CA8: variants seen among roughly 807,000 people sequenced by gnomAD.
The protein encoded by CA8 is carbonic anhydrase 8 (inactive).
Under a neutral mutation model 41.4 loss-of-function variants are expected in CA8, and 22 were observed. That is an observed-to-expected ratio of 0.53 (90% CI 0.38 to 0.76). CA8 has a LOEUF of 0.76. Among genes scored for constraint, CA8 ranks in the 30% least tolerant of loss-of-function variants. The pLI, the probability that CA8 is intolerant of heterozygous loss-of-function variation, is 0.00. For missense variants in CA8, 270 were observed against 352.8 expected, an observed-to-expected ratio of 0.77 and a Z score of 1.88; for synonymous variants, 121 against 130.6, an observed-to-expected ratio of 0.93 and a Z score of 0.50.
At chr8:60,237,841 C>T (rs1807886026) in intron 3 of CA8, among the ~76,000 whole-genome samples, 1 of 152,208 alleles carries the variant, frequency 6.6e-6, no homozygotes, top group Non-Finnish European at 1.5e-5. Context: ...AGTCCTTCCT[C>T]ACTCCTTATA....
intron 7 of CA8, among the ~76,000 whole-genome samples, chr8:60,214,583 G>A (rs1294443959): frequency 6.6e-6 from 1 of 152,150 alleles, no homozygotes. Context: ...CAGCCCCTTC[G>A]ATTCCATATG....
chr8:60,280,381 T>C (rs1161983343), intron 1 of CA8, among the ~76,000 whole-genome samples: 1 of 152,168 alleles, frequency 6.6e-6, no homozygotes, highest in African/African-American at 2.4e-5. Context: ...ATTCCCATAG[T>C]CTTTCCAAAT....
chr8:60,244,806 T>C (rs1563365972), intron 3 of CA8, among the ~76,000 whole-genome samples: 1 of 152,232 alleles, frequency 6.6e-6, no homozygotes, highest in Non-Finnish European at 1.5e-5. Flanking sequence ...TACTTGTCTG[T>C]TAACACTGCT....
At chr8:60,223,952 G>T (rs929116204) in intron 6 of CA8, among the ~76,000 whole-genome samples, 13 of 152,102 alleles carry the variant, frequency 8.5e-5, no homozygotes, top group African/African-American at 3.1e-4. Context: ...AAATACAAGT[G>T]GAATAATACA....
chr8:60,260,505 T>C (rs1434358765), intron 3 of CA8, among the ~76,000 whole-genome samples: 3 of 152,190 alleles, frequency 2.0e-5, no homozygotes, highest in Admixed American at 1.3e-4. Context: ...ACAAAGCCCA[T>C]TGTGTTGTCT....
In CA8 at chr8:60,227,621, G is replaced by C. The variant is rs529646810; in HGVS notation, c.514-686C>G. ...TCCATGTTTAACTCTGGCATTTATA[G>C]ATCATTGCTATAAAGATTTTAACAA... On this transcript the variant is annotated intron_variant, in intron 4 of 8. Transcript: ENST00000317995. 5.9e-5 allele frequency among the ~76,000 whole-genome samples: 9 copies of C among 152,176 alleles called. No individual in the cohort carries two copies. In the South Asian group the frequency reaches 1.9e-3, roughly 32 times the overall value.
intron 3 of CA8, among the ~76,000 whole-genome samples, chr8:60,261,388 C>T (rs183055488): frequency 1.3e-3 from 200 of 152,236 alleles, no homozygotes; most frequent in African/African-American, 4.0e-3. Context: ...AAGGGTCCAA[C>T]ATACAATATG....
At chr8:60,225,727 C>A (rs1177953066) in intron 5 of CA8, among the ~76,000 whole-genome samples, 1 of 152,202 alleles carries the variant, frequency 6.6e-6, no homozygotes, top group Non-Finnish European at 1.5e-5. Context: ...AGTTCAATTT[C>A]TGCTCTGTAT....
chr8:60,267,367 G>A (rs1011561613), intron 2 of CA8, among the ~76,000 whole-genome samples: 2 of 152,172 alleles, frequency 1.3e-5, no homozygotes, highest in African/African-American at 2.4e-5. Flanking sequence ...CTCAAACAAC[G>A]AAGACAAGGA....
At position 60,187,911 on chromosome 8, in the gene CA8, A is replaced by T. The variant is rs1806007677; in HGVS notation, c.*2110T>A. On this transcript the variant is annotated 3_prime_UTR_variant, in exon 9 of 9. Transcript: ENST00000317995. ...CTTTCCTATCACACCATCAAAACAG[A>T]TTTGAGATTAGTTGTTGTGCTTTCG... 1 of 152,152 alleles carries T rather than the reference A, an allele frequency of 6.6e-6. No individual in the cohort carries two copies. 9.4% of individuals were successfully genotyped at this position (152,152 alleles called of 1,614,324 possible).
At chr8:60,224,658 A>G in intron 5 of CA8, 73 bp from the exon 6 acceptor site, 1 of 969,364 alleles carries the variant, frequency 1.0e-6, no homozygotes, top group Non-Finnish European at 1.6e-6. Context: ...ATCTATTAGA[A>G]CTAAAAAATT....
At chr8:60,192,015 A>C (rs1302101859) in intron 8 of CA8, among the ~76,000 whole-genome samples, 1 of 152,006 alleles carries the variant, frequency 6.6e-6, no homozygotes, top group Non-Finnish European at 1.5e-5. Flanking sequence ...TTGCACACTC[A>C]CTCAGTTAAA....
chr8:60,211,139 GA>G (rs1806820887), intron 7 of CA8, among the ~76,000 whole-genome samples: 1 of 152,128 alleles, frequency 6.6e-6, no homozygotes, highest in Non-Finnish European at 1.5e-5. Context: ...GTGTATAACA[GA>G]CATAATAATA....
chr8:60,257,130 A>T (rs1016335179), intron 3 of CA8, among the ~76,000 whole-genome samples: 4 of 152,116 alleles, frequency 2.6e-5, no homozygotes, highest in African/African-American at 9.7e-5. Context: ...GGGGCCTGCC[A>T]CCATGCCCAG....
At chr8:60,219,948 A>AAAAAAAAC (rs1807186740) in intron 7 of CA8, among the ~76,000 whole-genome samples, 1 of 146,630 alleles carries the variant, frequency 6.8e-6, no homozygotes, top group Admixed American at 6.8e-5. Context: ...AAAAAAAAAA[A>AAAAAAAAC]AAAAACACTT....
chr8:60,225,048 G>C (rs1181216455), intron 5 of CA8, among the ~76,000 whole-genome samples: 5 of 151,778 alleles, frequency 3.3e-5, no homozygotes, highest in East Asian at 3.9e-4. Flanking sequence ...ATTTGGATTT[G>C]GTAACTCAGC....
At chr8:60,195,864 G>A (rs1160506038) in intron 8 of CA8, among the ~76,000 whole-genome samples, 1 of 152,154 alleles carries the variant, frequency 6.6e-6, no homozygotes, top group Non-Finnish European at 1.5e-5. Context: ...ATCGGGTCAT[G>A]AGAGAAGGAA....
intron 8 of CA8, among the ~76,000 whole-genome samples, chr8:60,194,225 G>T (rs747761246): frequency 3.0e-4 from 46 of 151,990 alleles, no homozygotes; most frequent in Non-Finnish European, 5.1e-4. Flanking sequence ...TCACTTTATT[G>T]TCTGATTTGG....
chr8:60,279,268 T>C (rs992612165), intron 2 of CA8, among the ~76,000 whole-genome samples: 2 of 152,254 alleles, frequency 1.3e-5, no homozygotes, highest in African/African-American at 4.8e-5. Context: ...AAGTCTACCT[T>C]GAATGCCACG....
Sources: gnomAD v4.1 joint callset for allele counts (sites outside exome capture counted in the v4.1 genomes callset) on GRCh38, gnomAD v4.1.1 for gene constraint, MANE v1.5 for transcripts, NCBI Gene and HGNC (gene_info 2026-07-23, HGNC 2026-07-21) for gene names.